Variants in MRPS9 observed in about 807,000 individuals in gnomAD.
MRPS9 encodes the protein mitochondrial ribosomal protein S9.
MRPS9 carries 45 observed loss-of-function variants against 59.9 expected under a neutral mutation model. The ratio of observed to expected loss-of-function variants is 0.75; its 90% CI spans 0.59 to 0.96. The LOEUF is 0.96. MRPS9 is among the 40% of genes least tolerant of loss of function. The pLI is 0.00. For synonymous variants in MRPS9, 171 were observed against 166.8 expected (o/e 1.03, Z -0.19); for missense variants, 473 against 481.1 (o/e 0.98, Z 0.16).
chr2:105,070,678 G>C (rs143847991), intron 2 of MRPS9, among the ~76,000 whole-genome samples: 157 of 152,278 alleles, frequency 1.0e-3, no homozygotes, highest in African/African-American at 3.6e-3. Flanking sequence ...GGAAAGGTGT[G>C]GGGGTGAGAT....
chr2:105,057,126 C>G (rs1241638273), intron 2 of MRPS9, among the ~76,000 whole-genome samples: 2 of 152,088 alleles, frequency 1.3e-5, no homozygotes, highest in African/African-American at 2.4e-5. Context: ...TGCCCAGTTT[C>G]TTAAATTATA....
At chr2:105,088,203 T>C (rs1468095967) in intron 5 of MRPS9, among the ~76,000 whole-genome samples, 1 of 152,158 alleles carries the variant, frequency 6.6e-6, no homozygotes, top group Non-Finnish European at 1.5e-5. Flanking sequence ...AGGTTATGTG[T>C]AAATTATAAA....
At chr2:105,061,064 C>T (rs1007246101) in intron 2 of MRPS9, among the ~76,000 whole-genome samples, 1 of 128,762 alleles carries the variant, frequency 7.8e-6, no homozygotes, top group Admixed American at 9.3e-5. Context: ...GAGCCGAGAT[C>T]GCATCACTGC....
At chr2:105,051,751 C>T (rs1021180673) in intron 2 of MRPS9, among the ~76,000 whole-genome samples, 1 of 152,008 alleles carries the variant, frequency 6.6e-6, no homozygotes, top group African/African-American at 2.4e-5. Flanking sequence ...CTAAATTTGG[C>T]ACTTTTTTGT....
intron 2 of MRPS9, among the ~76,000 whole-genome samples, chr2:105,060,809 A>G (rs1013010619): frequency 2.1e-4 from 32 of 152,124 alleles, no homozygotes; most frequent in African/African-American, 7.5e-4. Flanking sequence ...GGTAAGAGTA[A>G]AGATGAAAAG....
chr2:105,061,109 C>CAAAAAAA lies in MRPS9; in HGVS notation c.316-10183_316-10177dup, dbSNP rs751155585. On this transcript the variant is annotated intron_variant, in intron 2 of 10. Coordinates refer to ENST00000258455, the MANE Select transcript of MRPS9 (RefSeq NM_182640.3). ...TGGGCGACAGAGCAGGACTCTGTCT[C>CAAAAAAA]AAAAAAAAAAAAAAAAAAAAAAAAA... is the stretch of plus-strand genomic sequence containing the variant. Among the ~76,000 whole-genome samples the CAAAAAAA allele has an allele frequency of 8.3e-4, 40 of 47,990 alleles. 2 individuals carry two copies. Among genetic ancestry groups the CAAAAAAA allele is most frequent in the Non-Finnish European group, 1.1e-3 (30 of 26,288 alleles). The allele number at this position is 47,990 out of a possible 152,430, so 31.5% of individuals were successfully genotyped here.
chr2:105,096,178 C>G (rs1428074021), intron 9 of MRPS9, among the ~76,000 whole-genome samples: 1 of 151,980 alleles, frequency 6.6e-6, no homozygotes, highest in African/African-American at 2.4e-5. Flanking sequence ...TTTTGCCCAT[C>G]TGCTTGTGAT....
intron 1 of MRPS9, among the ~76,000 whole-genome samples, chr2:105,043,047 G>A (rs1022465353): frequency 1.6e-4 from 24 of 151,600 alleles, no homozygotes; most frequent in Admixed American, 1.1e-3. Context: ...TAACATAAAG[G>A]TTTTTTTAAA....
rs1283722392 is a variant in MRPS9 at position 105,093,530 on chromosome 2, G to A, written c.821G>A (p.Gly274Asp). The part of the protein sequence containing the change: ...EQGMAFSKSE[G>D]KRKTAKAEAI... Reference sequence around the variant, plus strand: ...TAATAGGAATTTTATATTTTTGAAGGTAAAAGAAAGACTGCAAAAGCAGAA... The same window carrying A: ...TAATAGGAATTTTATATTTTTGAAGATAAAAGAAAGACTGCAAAAGCAGAA... The change falls in exon 9 of 11, where the codon GGT becomes GAT. Residue 274 changes from glycine to aspartate, a missense_variant and splice_region_variant. Physicochemically the swap from Gly to Asp is moderately conservative, Grantham distance 94 (BLOSUM62 -1). Transcript: ENST00000258455. The A allele has an allele frequency of 1.3e-6, 2 of 1,557,306 alleles. No homozygotes were observed. Among genetic ancestry groups the A allele is most frequent in the Non-Finnish European group, 1.8e-6 (2 of 1,141,390 alleles).
At chr2:105,070,837 GA>G in intron 2 of MRPS9, among the ~76,000 whole-genome samples, 1 of 152,186 alleles carries the variant, frequency 6.6e-6, no homozygotes, top group East Asian at 1.9e-4. Context: ...CATGGAAGAA[GA>G]ACTTGTTTGG....
chr2:105,059,421 ATCTGGT>A (rs929412082), intron 2 of MRPS9, among the ~76,000 whole-genome samples: 1 of 152,164 alleles, frequency 6.6e-6, no homozygotes, highest in Non-Finnish European at 1.5e-5. Context: ...CACCACCAAA[ATCTGGT>A]TCTTAGACTG....
At chr2:105,083,395 A>C (rs1332106097) in intron 5 of MRPS9, among the ~76,000 whole-genome samples, 1 of 152,188 alleles carries the variant, frequency 6.6e-6, no homozygotes, top group African/African-American at 2.4e-5. Context: ...GGGCCTGTCC[A>C]GGATGACCAA....
intron 5 of MRPS9, among the ~76,000 whole-genome samples, chr2:105,087,386 G>A (rs927543580): frequency 6.6e-6 from 1 of 152,112 alleles, no homozygotes; most frequent in Non-Finnish European, 1.5e-5. Flanking sequence ...AGTTCTTAGA[G>A]TGTACATTTC....
At chr2:105,041,725 C>A (rs567159126) in intron 1 of MRPS9, among the ~76,000 whole-genome samples, 195 of 152,048 alleles carry the variant, frequency 1.3e-3, no homozygotes, top group African/African-American at 4.6e-3. Flanking sequence ...TTAGTTATGC[C>A]CTACCCCGAT....
At chr2:105,044,076 T>C (rs1466075617) in intron 1 of MRPS9, among the ~76,000 whole-genome samples, 1 of 152,002 alleles carries the variant, frequency 6.6e-6, no homozygotes, top group Non-Finnish European at 1.5e-5. Flanking sequence ...GCTGGGATTA[T>C]AGGTGCCTGA....
At chr2:105,061,944 A>G (rs1178527065) in intron 2 of MRPS9, among the ~76,000 whole-genome samples, 1 of 152,182 alleles carries the variant, frequency 6.6e-6, no homozygotes, top group Admixed American at 6.5e-5. Context: ...ACAACTTGAT[A>G]TTTATATGTT....
chr2:105,094,546 TA>T (rs1348153479), intron 9 of MRPS9, among the ~76,000 whole-genome samples: 21 of 150,952 alleles, frequency 1.4e-4, no homozygotes, highest in Non-Finnish European at 2.6e-4. Context: ...AATGCTGATA[TA>T]GGCAAAAGAG....
intron 1 of MRPS9, among the ~76,000 whole-genome samples, chr2:105,047,540 A>G (rs2104440006): frequency 6.6e-6 from 1 of 151,946 alleles, no homozygotes; most frequent in Middle Eastern, 3.4e-3. Context: ...AGAGAGATTT[A>G]TGTTTATGAA....
chr2:105,061,206 C>G (rs1300779941), intron 2 of MRPS9, among the ~76,000 whole-genome samples: 1 of 151,608 alleles, frequency 6.6e-6, no homozygotes, highest in Non-Finnish European at 1.5e-5. Context: ...TTACAATGCC[C>G]TAACAGACCA....
Sources: gnomAD v4.1 joint callset for allele counts (sites outside exome capture counted in the v4.1 genomes callset) on GRCh38, gnomAD v4.1.1 for gene constraint, MANE v1.5 for transcripts, NCBI Gene and HGNC (gene_info 2026-07-23, HGNC 2026-07-21) for gene names.